Variants in KCNG3 observed in about 807,000 individuals in gnomAD.
KCNG3 encodes voltage-gated potassium channel regulatory subunit KCNG3.
A neutral mutation model predicts 29.0 loss-of-function variants in KCNG3; 15 were observed. That is an observed-to-expected ratio of 0.52 (90% CI 0.35 to 0.80). The LOEUF (loss-of-function observed/expected upper bound fraction) is 0.80. Ranked by LOEUF, KCNG3 falls within the 30% of genes least tolerant of loss-of-function variation. The pLI, the probability that KCNG3 is intolerant of heterozygous loss-of-function variation, is 0.01. For synonymous variants in KCNG3, 322 were observed against 248.9 expected, an observed-to-expected ratio of 1.29 and a Z score of -2.76; for missense variants, 512 against 605.7, an observed-to-expected ratio of 0.85 and a Z score of 1.62.
intron 1 of KCNG3, among the ~76,000 whole-genome samples, chr2:42,486,046 G>C (rs947347959): frequency 6.6e-6 from 1 of 152,154 alleles, no homozygotes; most frequent in Non-Finnish European, 1.5e-5. Context: ...AGACATCTAT[G>C]ATCCTTCTCC....
chr2:42,405,636 C>G, the KCNG3 span, among the ~76,000 whole-genome samples: 1 of 151,784 alleles, frequency 6.6e-6, no homozygotes, highest in Non-Finnish European at 1.5e-5. Context: ...GAGACAGAGT[C>G]TCACTCTGTC....
intron 1 of KCNG3, among the ~76,000 whole-genome samples, chr2:42,468,404 T>C (rs1037262862): frequency 6.6e-6 from 1 of 152,200 alleles, no homozygotes; most frequent in Admixed American, 6.6e-5. Context: ...GGACAGTCTA[T>C]ACTGCTACAA....
At chr2:42,491,179 T>A (rs908608019) in intron 1 of KCNG3, among the ~76,000 whole-genome samples, 1 of 152,214 alleles carries the variant, frequency 6.6e-6, no homozygotes, top group African/African-American at 2.4e-5. Context: ...TTTCCATCTC[T>A]GTCTTCCCTT....
chr2:42,428,076 GCTAA>G, the KCNG3 span, among the ~76,000 whole-genome samples: 1 of 152,084 alleles, frequency 6.6e-6, no homozygotes, highest in Non-Finnish European at 1.5e-5. Flanking sequence ...GACATTCAGT[GCTAA>G]CTGAATTCAT....
Position 42,493,350 on chromosome 2 carries a change from C to G in KCNG3, c.152G>C (p.Cys51Ser), listed in dbSNP as rs1259394420. The G allele has an allele frequency of 6.3e-7, 1 of 1,594,014 alleles. No homozygotes were observed. Among genetic ancestry groups the G allele is most frequent in the Non-Finnish European group, 8.5e-7 (1 of 1,170,398 alleles). ...GTTGCGCTCGCGGTCGTAGTCGTCG[C>G]ACACCTCGAGCACGTCGCGCTCGGA... ...CRSERDVLEV[C>S]DDYDRERNEY... Residue 51 changes from cysteine (C) to serine (S), a missense_variant, in exon 1 of 2, where the codon TGC (cysteine) becomes TCC (serine). Coordinates refer to ENST00000306078, the MANE Select transcript of KCNG3 (RefSeq NM_133329.6).
intron 1 of KCNG3, among the ~76,000 whole-genome samples, chr2:42,483,659 C>G (rs1352621671): frequency 9.9e-5 from 15 of 152,174 alleles, no homozygotes; most frequent in Non-Finnish European, 2.9e-5. Flanking sequence ...TAAATATTAA[C>G]TGTTACAATC....
chr2:42,464,618 T>C (rs1260547607), intron 1 of KCNG3, among the ~76,000 whole-genome samples: 2 of 152,212 alleles, frequency 1.3e-5, no homozygotes, highest in Non-Finnish European at 2.9e-5. Context: ...TTGTACCATC[T>C]GCTCCAACTA....
chr2:42,434,977 C>T, the KCNG3 span, among the ~76,000 whole-genome samples: 94 of 152,226 alleles, frequency 6.2e-4, no homozygotes, highest in Non-Finnish European at 1.1e-3. Flanking sequence ...GATCAGAGAC[C>T]TAAAGACAGG....
chr2:42,397,913 CAGACATTGTCTTTAAAATCAAGA>C, the KCNG3 span, among the ~76,000 whole-genome samples: 1 of 152,106 alleles, frequency 6.6e-6, no homozygotes, highest in Non-Finnish European at 1.5e-5. Flanking sequence ...CTCTAACAGG[CAGACATTGTCTTTAAAATCAAGA>C]AGACGGGCTG....
At chr2:42,392,347 T>C in the KCNG3 span, among the ~76,000 whole-genome samples, 1 of 152,072 alleles carries the variant, frequency 6.6e-6, no homozygotes, top group Non-Finnish European at 1.5e-5. Context: ...CACTACTAGT[T>C]ACAACCTGAA....
chr2:42,442,228 G>C lies in KCNG3; in HGVS notation c.*1706C>G, dbSNP rs1471413759. 6.6e-6 allele frequency: 1 copy of C among 152,114 alleles called. No homozygotes were observed. The highest frequency in any genetic ancestry group is 2.4e-5 in the African/African-American group (1 of 41,412). The allele number at this position is 152,114 out of a possible 1,614,324, so 9.4% of individuals were successfully genotyped here. On this transcript the variant is annotated 3_prime_UTR_variant, in exon 2 of 2. Transcript: ENST00000306078. ...CATACTAGCAGTAATAGGGAAAATA[G>C]GGCAAGATATTTAATGGCCAAACTA...
chr2:42,482,786 A>G (rs1052493833), intron 1 of KCNG3, among the ~76,000 whole-genome samples: 2 of 152,012 alleles, frequency 1.3e-5, no homozygotes. Context: ...TAAATATCCC[A>G]AAAACCACTG....
At chr2:42,430,797 G>A in the KCNG3 span, among the ~76,000 whole-genome samples, 1 of 151,858 alleles carries the variant, frequency 6.6e-6, no homozygotes, top group African/African-American at 2.4e-5. Context: ...ACCAAAGAAA[G>A]TATTAAGCAA....
At chr2:42,471,815 T>G (rs1673296073) in intron 1 of KCNG3, among the ~76,000 whole-genome samples, 1 of 148,872 alleles carries the variant, frequency 6.7e-6, no homozygotes, top group African/African-American at 2.5e-5. Flanking sequence ...GCCCAGGAGG[T>G]TGAGGCTGTA....
At chr2:42,431,009 G>C in the KCNG3 span, among the ~76,000 whole-genome samples, 3 of 150,014 alleles carry the variant, frequency 2.0e-5, no homozygotes, top group African/African-American at 7.4e-5. Context: ...AGGAGGCTAA[G>C]ACATGAAAAT....
At chr2:42,438,657 G>A (rs748048690), downstream of KCNG3, among the ~76,000 whole-genome samples, 15 of 152,174 alleles carry the variant, frequency 9.9e-5, no homozygotes, top group Non-Finnish European at 1.9e-4. Flanking sequence ...ACTGACAATT[G>A]AGCTTATGCT....
chr2:42,477,679 G>T (rs763237394), intron 1 of KCNG3, among the ~76,000 whole-genome samples: 6 of 151,876 alleles, frequency 4.0e-5, no homozygotes, highest in Non-Finnish European at 8.8e-5. Context: ...AGGAGTTCGA[G>T]ACTAGCCTGG....
chr2:42,399,988 G>A, the KCNG3 span, among the ~76,000 whole-genome samples: 1,444 of 152,248 alleles, frequency 9.5e-3, 25 homozygotes, highest in African/African-American at 0.029. Flanking sequence ...CAGTGTCTGT[G>A]GTCCCAGCTA....
At chr2:42,409,699 CAAAAAAA>C in the KCNG3 span, among the ~76,000 whole-genome samples, 275 of 51,932 alleles carry the variant, frequency 5.3e-3, no homozygotes, top group African/African-American at 0.015. Flanking sequence ...GTGCCTGTCT[CAAAAAAA>C]AAAAAAAAAA....
Sources: gnomAD v4.1 joint callset for allele counts (sites outside exome capture counted in the v4.1 genomes callset) on GRCh38, gnomAD v4.1.1 for gene constraint, MANE v1.5 for transcripts, NCBI Gene and HGNC (gene_info 2026-07-23, HGNC 2026-07-21) for gene names.